Variants in ACSBG2 observed in about 807,000 individuals in gnomAD.
ACSBG2 encodes the protein acyl-CoA synthetase bubblegum family member 2.
Under a neutral mutation model 74.7 loss-of-function variants are expected in ACSBG2, and 62 were observed. That is an observed-to-expected ratio of 0.83 (90% CI 0.68 to 1.03). The LOEUF is 1.03. Among genes scored for constraint, ACSBG2 ranks in the 50% least tolerant of loss-of-function variants. The pLI is 0.00. For synonymous variants in ACSBG2, 309 were observed against 294.1 expected (o/e 1.05, Z -0.52); for missense variants, 730 against 817.6 (o/e 0.89, Z 1.31).
chr19:6,182,210 TA>T lies in ACSBG2; in HGVS notation c.907-528del, dbSNP rs768684675. Among the ~76,000 whole-genome samples, 526 of 145,588 alleles carry T rather than the reference TA, an allele frequency of 3.6e-3. 3 individuals are homozygous for T. The highest frequency in any genetic ancestry group is 0.011 in the African/African-American group (427 of 40,098). ...TAAAGTCAGCTTGTCAATTTGTATT[TA>T]AAAAAAAAAAAACTTGCCTAGATTT... On this transcript the variant is annotated intron_variant, in intron 8 of 14. Coordinates refer to ENST00000588485, the MANE Select transcript of ACSBG2 (RefSeq NM_030924.5).
chr19:6,157,579 C>A (rs2145094586), intron 5 of ACSBG2, among the ~76,000 whole-genome samples: 1 of 151,898 alleles, frequency 6.6e-6, no homozygotes, highest in African/African-American at 2.4e-5. Flanking sequence ...AACAAACAAA[C>A]AAAAACCATT....
At chr19:6,190,797 AC>A (rs1204000158) in intron 14 of ACSBG2, 105 bp downstream of exon 14, 4 of 526,438 alleles carry the variant, frequency 7.6e-6, no homozygotes, top group African/African-American at 2.5e-5. Context: ...GAAAACACAC[AC>A]ATACACACAT....
At chr19:6,184,862 A>AC in intron 10 of ACSBG2, among the ~76,000 whole-genome samples, 1 of 137,410 alleles carries the variant, frequency 7.3e-6, no homozygotes, top group Non-Finnish European at 1.5e-5. Context: ...AAAAAAAAAA[A>AC]AAAAAAAAAA....
chr19:6,178,261 A>G (rs186934182), intron 8 of ACSBG2, among the ~76,000 whole-genome samples: 337 of 152,168 alleles, frequency 2.2e-3, no homozygotes, highest in South Asian at 3.3e-3. Context: ...TTTTCCCAGA[A>G]TTAAGTTGCC....
Position 6,145,737 on chromosome 19 carries a change from A to C in ACSBG2, c.68-1709A>C, listed in dbSNP as rs984999212. ...GAAGTGATAGATACAGGACCCCAAA[A>C]CTGGTTTTGAATTGGTCCCTTTGCT... On this transcript the variant is annotated intron_variant, in intron 2 of 14. Transcript: ENST00000588485. Among the ~76,000 whole-genome samples, 6 of 151,842 alleles carry C rather than the reference A, an allele frequency of 4.0e-5. No homozygotes were observed. In the East Asian group the frequency reaches 5.8e-4, roughly 15 times the overall value.
chr19:6,153,789 A>G, intron 4 of ACSBG2, among the ~76,000 whole-genome samples: 1 of 152,104 alleles, frequency 6.6e-6, no homozygotes. Context: ...TTGAGACTGC[A>G]GTGAATTATG....
intron 7 of ACSBG2, among the ~76,000 whole-genome samples, chr19:6,176,861 A>G (rs2090101793): frequency 6.6e-6 from 1 of 152,174 alleles, no homozygotes; most frequent in African/African-American, 2.4e-5. Flanking sequence ...AAATACATTT[A>G]AAATCGCCCT....
At position 6,191,926 on chromosome 19, in the gene ACSBG2, AC is replaced by A. The variant is rs2090572169; in HGVS notation, c.*36-740del. Reference sequence around the variant, plus strand: ...ATTTCACTTTCCAGTTGAATGAGAAACCATTGGACATTGATGTGGGAGTGAG... The same window carrying A: ...ATTTCACTTTCCAGTTGAATGAGAAACATTGGACATTGATGTGGGAGTGAG... On this transcript the variant is annotated intron_variant, in intron 14 of 14. Transcript: ENST00000588485. The A allele has an allele frequency of 2.0e-5, 3 of 152,060 alleles. No homozygotes were observed. In the South Asian group the frequency reaches 6.2e-4, roughly 32 times the overall value. 9.4% of individuals were successfully genotyped at this position (152,060 alleles called of 1,614,324 possible).
At chr19:6,190,852 C>CACACACACACACACACAG in intron 14 of ACSBG2, 160 bp downstream of exon 14, 1 of 541,770 alleles carries the variant, frequency 1.8e-6, no homozygotes, top group Admixed American at 2.9e-5. Flanking sequence ...CACACACACA[C>CACACACACACACACACAG]TCTTAGTTGC....
chr19:6,190,770 C>A, intron 14 of ACSBG2, 78 bp downstream of exon 14: 3 of 811,110 alleles, frequency 3.7e-6, no homozygotes, highest in South Asian at 1.4e-5. Flanking sequence ...GCAGGCAGAT[C>A]TGTGACTGGA....
chr19:6,175,216 A>C (rs564807968), intron 7 of ACSBG2: 2 of 152,314 alleles, frequency 1.3e-5, no homozygotes, highest in East Asian at 1.9e-4. Context: ...ACTAGCCTTG[A>C]GGGATATTTT....
chr19:6,154,463 A>T (rs995442060), intron 4 of ACSBG2, among the ~76,000 whole-genome samples: 1 of 147,536 alleles, frequency 6.8e-6, no homozygotes, highest in Non-Finnish European at 1.5e-5. Context: ...AAAATATATA[A>T]TACATATAAT....
At chr19:6,143,512 G>A (rs2088922928) in intron 2 of ACSBG2, among the ~76,000 whole-genome samples, 1 of 152,082 alleles carries the variant, frequency 6.6e-6, no homozygotes, top group African/African-American at 2.4e-5. Context: ...CAAAAACCCT[G>A]TTTCCAAATA....
rs963951621 is a variant in ACSBG2 at position 6,141,729 on chromosome 19, C to A, written c.67+119C>A. The A allele has an allele frequency of 3.3e-5, 23 of 697,284 alleles. 1 individual carries two copies. 43.2% of individuals were successfully genotyped at this position (697,284 alleles called of 1,614,324 possible). On this transcript the variant is annotated intron_variant, in intron 2 of 14. Coordinates refer to ENST00000588485, the MANE Select transcript of ACSBG2 (RefSeq NM_030924.5). ...CATTCCTTGCCTGACCCTGCTGACCCCGACCCCCCACCCTTTTGTTTTGAG... is the reference window on the plus strand; with the variant it reads ...CATTCCTTGCCTGACCCTGCTGACCACGACCCCCCACCCTTTTGTTTTGAG...
At position 6,154,432 on chromosome 19, in the gene ACSBG2, GAAA is replaced by G. The variant is rs142309155; in HGVS notation, c.387-1997_387-1995del. On this transcript the variant is annotated intron_variant, in intron 4 of 14. Coordinates refer to ENST00000588485, the MANE Select transcript of ACSBG2 (RefSeq NM_030924.5). The stretch of plus-strand genomic sequence containing the variant: ...AGAGAGAGAGAGAGAGAGAGAGAGA[GAAA>G]ATTATTATTATATATATAAAATATA... 6.3e-3 allele frequency among the ~76,000 whole-genome samples: 869 copies of G among 138,898 alleles called. 2 individuals carry two copies. The highest frequency in any genetic ancestry group is 8.1e-3 in the African/African-American group (301 of 37,348). 91.1% of individuals were successfully genotyped at this position (138,898 alleles called of 152,430 possible). A position where few individuals can be genotyped will look rare whatever the true frequency, so the allele number is the denominator to read the frequency against.
chr19:6,139,645 G>A (rs560732231), intron 1 of ACSBG2, among the ~76,000 whole-genome samples: 7 of 152,092 alleles, frequency 4.6e-5, no homozygotes, highest in Non-Finnish European at 8.8e-5. Context: ...GAACAAAATC[G>A]TACAATTTTC....
At chr19:6,186,774 G>A (rs1353451783) in intron 11 of ACSBG2, among the ~76,000 whole-genome samples, 2 of 152,062 alleles carry the variant, frequency 1.3e-5, no homozygotes, top group Admixed American at 1.3e-4. Context: ...GTCCAATTAT[G>A]ACTCACTGTG....
intron 1 of ACSBG2, among the ~76,000 whole-genome samples, chr19:6,140,284 A>T (rs1451952410): frequency 6.6e-6 from 1 of 151,538 alleles, no homozygotes; most frequent in Non-Finnish European, 1.5e-5. Context: ...GAGTGGTGGT[A>T]CAAACACCAC....
intron 3 of ACSBG2, among the ~76,000 whole-genome samples, chr19:6,150,094 AAAT>A (rs1439891476): frequency 6.6e-6 from 1 of 151,536 alleles, no homozygotes. Context: ...GCGAGACAAA[AAAT>A]AATAATAATA....
Sources: gnomAD v4.1 joint callset for allele counts (sites outside exome capture counted in the v4.1 genomes callset) on GRCh38, gnomAD v4.1.1 for gene constraint, MANE v1.5 for transcripts, NCBI Gene and HGNC (gene_info 2026-07-23, HGNC 2026-07-21) for gene names.